TSPAN32: variants seen among roughly 807,000 people sequenced by gnomAD.
TSPAN32 encodes tetraspanin 32, also known as tetraspanin-32.
TSPAN32 carries 47 observed loss-of-function variants against 42.7 expected under a neutral mutation model. That is an observed-to-expected ratio of 1.10 (90% CI 0.87 to 1.40). TSPAN32 has a LOEUF of 1.40. Ranked by LOEUF, TSPAN32 falls within the 40% of genes most tolerant of loss-of-function variation. TSPAN32 has a pLI of 0.00. For missense variants in TSPAN32, 469 were observed against 424.1 expected, an observed-to-expected ratio of 1.11 and a Z score of -0.93; for synonymous variants, 175 against 175.9, an observed-to-expected ratio of 0.99 and a Z score of 0.04.
chr11:2,305,279 C>G (rs1848007474), intron 3 of TSPAN32, among the ~76,000 whole-genome samples: 1 of 152,072 alleles, frequency 6.6e-6, no homozygotes. Flanking sequence ...CCGGGGCACA[C>G]GAGCATGGGC....
At position 2,304,281 on chromosome 11, in the gene TSPAN32, T is replaced by A. The variant is rs1204529253; in HGVS notation, c.279+77T>A. On this transcript the variant is annotated intron_variant, in intron 3 of 9. Coordinates refer to ENST00000182290, the MANE Select transcript of TSPAN32 (RefSeq NM_139022.3). The surrounding 1 kb of genome is among the most constrained non-coding windows in gnomAD (Gnocchi z 4.8). ...GGAGTGAAGAGCTGGCAGGGCTGTG[T>A]GCCACCCCCACACCTGAGTGACCAG... 1 of 1,094,226 alleles carries A rather than the reference T, an allele frequency of 9.1e-7. No individual in the cohort carries two copies. The highest frequency in any genetic ancestry group is 1.6e-5 in the African/African-American group (1 of 62,708). 67.8% of individuals were successfully genotyped at this position (1,094,226 alleles called of 1,614,324 possible).
At chr11:2,311,156 C>T (rs1051403897) in intron 4 of TSPAN32, among the ~76,000 whole-genome samples, 2 of 152,176 alleles carry the variant, frequency 1.3e-5, no homozygotes, top group Non-Finnish European at 2.9e-5. Flanking sequence ...GGTGCCCCTG[C>T]GGATGGGAAG....
intron 5 of TSPAN32, among the ~76,000 whole-genome samples, chr11:2,314,042 G>A (rs1255591118): frequency 2.6e-5 from 4 of 151,774 alleles, no homozygotes; most frequent in African/African-American, 4.8e-5. Flanking sequence ...ATACGGGGCC[G>A]AACATAGTGG....
intron 4 of TSPAN32, among the ~76,000 whole-genome samples, chr11:2,310,918 A>G (rs1488729856): frequency 2.6e-5 from 4 of 152,044 alleles, no homozygotes; most frequent in South Asian, 2.1e-4. Context: ...CTCCACCCTC[A>G]GGGCCCACCA....
chr11:2,308,832 C>A (rs1423985325), intron 4 of TSPAN32, 22 bp downstream of exon 4: 1 of 1,528,802 alleles, frequency 6.5e-7, no homozygotes, highest in South Asian at 1.2e-5. Context: ...CTGCCCCTAC[C>A]CTGCAGTGGA....
At chr11:2,308,841 G>C in intron 4 of TSPAN32, 31 bp downstream of exon 4, 4 of 1,468,288 alleles carry the variant, frequency 2.7e-6, no homozygotes, top group Non-Finnish European at 3.7e-6. Context: ...CCCTGCAGTG[G>C]AGGGTCCCCC....
chr11:2,308,880 G>T, intron 4 of TSPAN32, 70 bp downstream of exon 4: 1 of 1,079,614 alleles, frequency 9.3e-7, no homozygotes, highest in Non-Finnish European at 1.4e-6. Context: ...TGGGGACTGG[G>T]GAGCAGTCCT....
In TSPAN32 at chr11:2,313,745, T is replaced by C. The variant is rs1848615622; in HGVS notation, c.446T>C (p.Ile149Thr). ...GTCCGGCGGCAGGAGCTGGCGGCCA[T>C]CCAGGACGTGGTGAGCGTGGGGACG... ...SHVRRQELAA[I>T]QDVFLCCGKK... The change falls in exon 5 of 10, where the codon ATC becomes ACC. Residue 149 changes from isoleucine to threonine, a missense_variant. By Grantham distance (89) the Ile-to-Thr change is moderately conservative (BLOSUM62 -1). Transcript: ENST00000182290. This position sits in a 1 kb window ranked among gnomAD's most constrained non-coding sequence, Gnocchi z 9.1. The C allele has an allele frequency of 6.3e-7, 1 of 1,598,198 alleles. No homozygotes were observed.
At position 2,316,277 on chromosome 11, in the gene TSPAN32, G is replaced by A. The variant is rs371671456; in HGVS notation, c.592G>A (p.Ala198Thr). The change falls in exon 7 of 10, where the codon GCC becomes ACC. Residue 198 changes from alanine (A) to threonine (T), a missense_variant. Coordinates refer to ENST00000182290, the MANE Select transcript of TSPAN32 (RefSeq NM_139022.3). ...RSFLRTHQQVASSLTSIGLAL... is the reference protein window; with the variant it reads ...RSFLRTHQQVTSSLTSIGLAL... ...CTTCCTGAGGACACACCAGCAGGTC[G>A]CCTCCAGCCTGACCAGCATCGGCCT... 2.4e-5 allele frequency: 39 copies of A among 1,603,148 alleles called. 1 individual carries two copies. Among genetic ancestry groups the A allele is most frequent in the East Asian group, 4.5e-5 (2 of 44,564 alleles).
rs1223640233 is a variant in TSPAN32 at position 2,308,808 on chromosome 11, C to A, written c.352C>A (p.Gln118Lys). Residue 118 changes from glutamine to lysine, a missense_variant and splice_region_variant, in exon 4 of 10, where the codon CAG (glutamine) becomes AAG (lysine). By Grantham distance (53) the Gln-to-Lys change is moderately conservative. Transcript: ENST00000182290. ...GTTCTGGAGACTCCACAGCCCCACC[C>A]AGGTGAGCACCAGCTGCCCCTACCC... is the stretch of plus-strand genomic sequence containing the variant. ...VVFWRLHSPT[Q>K]VEDAMLDTYD... 1 of 1,563,400 alleles carries A rather than the reference C, an allele frequency of 6.4e-7. No homozygotes were observed. The highest frequency in any genetic ancestry group is 8.7e-7 in the Non-Finnish European group (1 of 1,152,922).
intron 6 of TSPAN32, chr11:2,315,158 C>CCAA: frequency 2.9e-6 from 2 of 687,984 alleles, no homozygotes; most frequent in Non-Finnish European, 3.9e-6. Flanking sequence ...GCCCGGCAGC[C>CCAA]CTCCCCCAGC....
Position 2,304,345 on chromosome 11 carries a change from C to T in TSPAN32, c.279+141C>T, listed in dbSNP as rs1374182365. 3.2e-6 allele frequency: 2 copies of T among 626,478 alleles called. No individual in the cohort carries two copies. The highest frequency in any genetic ancestry group is 6.2e-5 in the Admixed American group (2 of 32,416). The allele number at this position is 626,478 out of a possible 1,614,324, so 38.8% of individuals were successfully genotyped here. A position where few individuals can be genotyped will look rare whatever the true frequency, so the allele number is the denominator to read the frequency against. On this transcript the variant is annotated intron_variant, in intron 3 of 9. Transcript: ENST00000182290. The surrounding 1 kb of genome is among the most constrained non-coding windows in gnomAD (Gnocchi z 4.8). Reference sequence around the variant, plus strand: ...CCCCAGGGATGCTGGCCAGCCGAGACCCCCACGTCAACCCCACACCTGAGT... The same window carrying T: ...CCCCAGGGATGCTGGCCAGCCGAGATCCCCACGTCAACCCCACACCTGAGT...
Position 2,317,308 on chromosome 11 carries a change from A to G in TSPAN32, c.720-36A>G. On this transcript the variant is annotated intron_variant, in intron 8 of 9. Transcript: ENST00000182290. The surrounding 1 kb of genome is among the most constrained non-coding windows in gnomAD (Gnocchi z 6.2). Reference sequence around the variant, plus strand: ...TAGCCTCACAGGTCCCCTGTAGAACATTCCACCACAGCCCCATGATCCCCT... The same window carrying G: ...TAGCCTCACAGGTCCCCTGTAGAACGTTCCACCACAGCCCCATGATCCCCT... 2.0e-6 allele frequency: 3 copies of G among 1,535,300 alleles called. No individual in the cohort carries two copies. The highest frequency in any genetic ancestry group is 2.7e-6 in the Non-Finnish European group (3 of 1,129,120).
chr11:2,302,933 C>T lies in TSPAN32; in HGVS notation c.156C>T (p.Asn52=), dbSNP rs1357343926. Residue 52 remains asparagine, a synonymous_variant, in exon 2 of 10, where the codon AAC becomes AAT. Transcript: ENST00000182290. ...TCCGCCGAGCGTCCCTGGAGAAGAACCCGTACCAGGCTGTGCACCAATGGG... is the reference window on the plus strand; with the variant it reads ...TCCGCCGAGCGTCCCTGGAGAAGAATCCGTACCAGGCTGTGCACCAATGGG... ...AVIRRASLEK[N]PYQAVHQWAF... 1.9e-6 allele frequency: 3 copies of T among 1,613,536 alleles called. No homozygotes were observed. Among genetic ancestry groups the T allele is most frequent in the Non-Finnish European group, 2.5e-6 (3 of 1,179,822 alleles).
Position 2,313,398 on chromosome 11 carries a change from C to G in TSPAN32, c.355-256C>G, listed in dbSNP as rs779449804. Among the ~76,000 whole-genome samples the G allele has an allele frequency of 6.6e-6, 1 of 152,164 alleles. No individual in the cohort carries two copies. The highest frequency in any genetic ancestry group is 1.5e-5 in the Non-Finnish European group (1 of 68,028). ...AGAGCTTGGCCTCTGCTTTATCCTG[C>G]GGGACCCTCTGGGGGCAGGAGGGCC... On this transcript the variant is annotated intron_variant, in intron 4 of 9. Transcript: ENST00000182290. This position sits in a 1 kb window ranked among gnomAD's most constrained non-coding sequence, Gnocchi z 9.1.
rs535375166 is a variant in TSPAN32, at chr11:2,313,080, C to T, written c.355-574C>T. ...GCCAGGCCCCGTCACCTTCCACCTT[C>T]TTCACCCCCTGCCCCACAGTGGCCT... On this transcript the variant is annotated intron_variant, in intron 4 of 9. Transcript: ENST00000182290. The surrounding 1 kb of genome is among the most constrained non-coding windows in gnomAD (Gnocchi z 9.1). 1.2e-4 allele frequency among the ~76,000 whole-genome samples: 19 copies of T among 152,336 alleles called. No individual in the cohort carries two copies. In the East Asian group the frequency reaches 3.7e-3, roughly 29 times the overall value.
At chr11:2,306,183 G>A (rs1848076573) in intron 3 of TSPAN32, among the ~76,000 whole-genome samples, 1 of 152,068 alleles carries the variant, frequency 6.6e-6, no homozygotes, top group Non-Finnish European at 1.5e-5. Context: ...CAAGTGAAGG[G>A]GCTAGGGAAG....
chr11:2,309,286 G>T (rs1405529780), intron 4 of TSPAN32: 1 of 456,440 alleles, frequency 2.2e-6, no homozygotes, highest in Non-Finnish European at 4.6e-6. Context: ...CCCGCGGACT[G>T]GGGTGTCGCA....
chr11:2,304,217 T>G lies in TSPAN32; in HGVS notation c.279+13T>G. 6.6e-7 allele frequency: 1 copy of G among 1,519,570 alleles called. No individual in the cohort carries two copies. The highest frequency in any genetic ancestry group is 1.2e-5 in the South Asian group (1 of 81,934). 94.1% of individuals were successfully genotyped at this position (1,519,570 alleles called of 1,614,324 possible). Reference sequence around the variant, plus strand: ...CCTCATGGCAGGGGTGAGTTCATTGTGTTCCCAGATGCCCAGGCCCCCAGA... The same window carrying G: ...CCTCATGGCAGGGGTGAGTTCATTGGGTTCCCAGATGCCCAGGCCCCCAGA... On this transcript the variant is annotated intron_variant, in intron 3 of 9. Coordinates refer to ENST00000182290, the MANE Select transcript of TSPAN32 (RefSeq NM_139022.3). The surrounding 1 kb of genome is among the most constrained non-coding windows in gnomAD (Gnocchi z 4.8).
Sources: gnomAD v4.1 joint callset for allele counts (sites outside exome capture counted in the v4.1 genomes callset) on GRCh38, gnomAD v4.1.1 for gene constraint, Gnocchi (gnomAD v3.1) non-coding constraint, MANE v1.5 for transcripts, NCBI Gene and HGNC (gene_info 2026-07-23, HGNC 2026-07-21) for gene names.